The following MITF variants were observed in gnomAD, a reference collection of about 807,000 sequenced individuals.
The protein encoded by MITF is melanocyte inducing transcription factor.
A neutral mutation model predicts 60.5 loss-of-function variants in MITF; 17 were observed. The observed-to-expected ratio is 0.28, with a 90% confidence interval of 0.19 to 0.42. The LOEUF (loss-of-function observed/expected upper bound fraction) is 0.42, where lower values mean the gene tolerates loss of function less well. MITF is among the 10% of genes least tolerant of loss of function. The pLI is 1.00. For synonymous variants in MITF, 260 were observed against 248.5 expected (o/e 1.05, Z -0.43); for missense variants, 622 against 683.5 (o/e 0.91, Z 1.00).
intron 1 of MITF, among the ~76,000 whole-genome samples, chr3:69,800,309 T>A (rs539098857): frequency 6.6e-6 from 1 of 152,356 alleles, no homozygotes; most frequent in African/African-American, 2.4e-5. Context: ...ACAAGTAATA[T>A]TCCAGTGTAG....
intron 2 of MITF, chr3:69,937,013 C>T: frequency 2.9e-6 from 1 of 342,578 alleles, no homozygotes; most frequent in Non-Finnish European, 5.2e-6. Context: ...GTTCATTGCT[C>T]ATAAGATTAA....
intron 1 of MITF, among the ~76,000 whole-genome samples, chr3:69,759,399 C>T (rs754142007): frequency 6.6e-6 from 1 of 152,150 alleles, no homozygotes; most frequent in Non-Finnish European, 1.5e-5. Context: ...GTGAAAAGGA[C>T]ACTTTTTTAC....
At chr3:69,962,923 T>A (rs147139256) in intron 9 of MITF, among the ~76,000 whole-genome samples, 203 of 152,310 alleles carry the variant, frequency 1.3e-3, no homozygotes, top group African/African-American at 4.8e-3. Context: ...AAGATCAAGT[T>A]GTCAGCAGGG....
At chr3:69,844,600 A>G (rs897028013) in intron 1 of MITF, among the ~76,000 whole-genome samples, 4 of 152,230 alleles carry the variant, frequency 2.6e-5, no homozygotes, top group Admixed American at 6.5e-5. Flanking sequence ...GCAATGGCTA[A>G]CAAAAGCTGA....
chr3:69,945,186 C>A (rs543714702), intron 5 of MITF, among the ~76,000 whole-genome samples: 1 of 152,094 alleles, frequency 6.6e-6, no homozygotes, highest in Non-Finnish European at 1.5e-5. Flanking sequence ...AAAATAATAA[C>A]GTTTTACAAT....
chr3:69,788,567 T>G (rs1392046862), intron 1 of MITF, among the ~76,000 whole-genome samples: 2 of 152,124 alleles, frequency 1.3e-5, no homozygotes, highest in Non-Finnish European at 2.9e-5. Context: ...AGAGAACCCT[T>G]AACATCTTGG....
chr3:69,944,196 C>T (rs994223426), intron 5 of MITF, among the ~76,000 whole-genome samples: 5 of 151,976 alleles, frequency 3.3e-5, no homozygotes, highest in African/African-American at 9.7e-5. Flanking sequence ...CTCGTTGTTC[C>T]GAAAGTATAT....
chr3:69,904,595 G>C (rs142490041), intron 2 of MITF, among the ~76,000 whole-genome samples: 1 of 152,022 alleles, frequency 6.6e-6, no homozygotes, highest in Non-Finnish European at 1.5e-5. Flanking sequence ...CACTCCTTCC[G>C]TAGAATTTGG....
intron 2 of MITF, among the ~76,000 whole-genome samples, chr3:69,933,509 A>G (rs1304071196): frequency 6.6e-6 from 1 of 152,176 alleles, no homozygotes; most frequent in Non-Finnish European, 1.5e-5. Context: ...CTTGCTATCC[A>G]TTCAAGATCT....
chr3:69,817,155 A>G lies in MITF; in HGVS notation c.105-61979A>G, dbSNP rs1039266063. Among the ~76,000 whole-genome samples the G allele has an allele frequency of 1.1e-4, 16 of 152,266 alleles. No individual in the cohort carries two copies. The South Asian group carries it at 3.3e-3, about 32-fold the overall frequency. ...TGCCTTTAAAAGTGAACCTGATTATATCTTTAATGTTTTGCTTTTTAAGCT... is the reference window on the plus strand; with the variant it reads ...TGCCTTTAAAAGTGAACCTGATTATGTCTTTAATGTTTTGCTTTTTAAGCT... On this transcript the variant is annotated intron_variant, in intron 1 of 9. Transcript: ENST00000352241.
At chr3:69,937,136 G>A in intron 2 of MITF, 1 of 184,892 alleles carries the variant, frequency 5.4e-6, no homozygotes, top group South Asian at 1.2e-4. Flanking sequence ...ACATCCTGTT[G>A]GCTTGTTAAT....
At chr3:69,775,437 T>C (rs1292386835) in intron 1 of MITF, among the ~76,000 whole-genome samples, 1 of 152,210 alleles carries the variant, frequency 6.6e-6, no homozygotes, top group Non-Finnish European at 1.5e-5. Context: ...GATGTGATTC[T>C]TGTCTCTAAC....
chr3:69,932,301 T>C (rs1448255394), intron 2 of MITF, among the ~76,000 whole-genome samples: 1 of 152,250 alleles, frequency 6.6e-6, no homozygotes, highest in Non-Finnish European at 1.5e-5. Context: ...TGGGTGTGGC[T>C]GTGTTCTGAT....
rs45519135 is a variant in MITF at position 69,739,945 on chromosome 3, C to A, written c.104+244C>A. Reference sequence around the variant, plus strand: ...CGGCGGGTCGCCGGGGACGAAGCGTCCAGGCGCGGGGACCCTCGGCCGAGG... The same window carrying A: ...CGGCGGGTCGCCGGGGACGAAGCGTACAGGCGCGGGGACCCTCGGCCGAGG... On this transcript the variant is annotated intron_variant, in intron 1 of 9. Coordinates refer to ENST00000352241, the MANE Select transcript of MITF (RefSeq NM_001354604.2). Among the ~76,000 whole-genome samples, 3,205 of 152,168 alleles carry A rather than the reference C, an allele frequency of 0.021. 46 individuals are homozygous for A. Among genetic ancestry groups the A allele is most frequent in the Middle Eastern group, 0.034 (10 of 294 alleles).
intron 9 of MITF, among the ~76,000 whole-genome samples, chr3:69,960,988 C>T (rs1306325301): frequency 2.0e-5 from 3 of 152,166 alleles, no homozygotes; most frequent in Non-Finnish European, 4.4e-5. Flanking sequence ...CCTCCTTTCC[C>T]CTCCCCTCCT....
intron 1 of MITF, among the ~76,000 whole-genome samples, chr3:69,774,101 A>T (rs2062436389): frequency 6.6e-6 from 1 of 152,230 alleles, no homozygotes; most frequent in Non-Finnish European, 1.5e-5. Context: ...GCACAGGCAG[A>T]CTAATATTCA....
At chr3:69,892,043 A>G (rs1038985048) in intron 2 of MITF, among the ~76,000 whole-genome samples, 4 of 152,218 alleles carry the variant, frequency 2.6e-5, no homozygotes, top group African/African-American at 9.6e-5. Context: ...TTTGTCCACA[A>G]ATATTTGTAA....
chr3:69,860,648 C>A (rs2064000399), intron 1 of MITF, among the ~76,000 whole-genome samples: 2 of 151,096 alleles, frequency 1.3e-5, no homozygotes, highest in Admixed American at 1.3e-4. Flanking sequence ...ATTTGAGATG[C>A]CTCTTTGTAG....
At position 69,967,199 on chromosome 3, in the gene MITF, C is replaced by T. The variant is rs1266777122; in HGVS notation, c.*1951C>T. On this transcript the variant is annotated 3_prime_UTR_variant, in exon 10 of 10. Transcript: ENST00000352241. ...CCATGCACGCTGGGCAATGAGAATC[C>T]TTGGAAACATTGGTGATGCTATCAG... The T allele has an allele frequency of 1.3e-5, 3 of 232,238 alleles. No homozygotes were observed. Among genetic ancestry groups the T allele is most frequent in the African/African-American group, 2.2e-5 (1 of 45,218 alleles). The allele number at this position is 232,238 out of a possible 1,614,324, so 14.4% of individuals were successfully genotyped here.
Sources: gnomAD v4.1 joint callset for allele counts (sites outside exome capture counted in the v4.1 genomes callset) on GRCh38, gnomAD v4.1.1 for gene constraint, MANE v1.5 for transcripts, NCBI Gene and HGNC (gene_info 2026-07-23, HGNC 2026-07-21) for gene names.